The following C12orf75 variants were observed in gnomAD, a reference collection of about 807,000 sequenced individuals.
The protein encoded by C12orf75 is chromosome 12 open reading frame 75.
A neutral mutation model predicts 11.4 loss-of-function variants in C12orf75; 4 were observed. The ratio of observed to expected loss-of-function variants is 0.35; its 90% CI spans 0.17 to 0.80. C12orf75 has a LOEUF of 0.80. C12orf75 is among the 30% of genes least tolerant of loss of function. The pLI is 0.52. For synonymous variants in C12orf75, 30 were observed against 30.0 expected (o/e 1.00, Z 0.00); for missense variants, 89 against 80.4 (o/e 1.11, Z -0.41).
intron 1 of C12orf75, among the ~76,000 whole-genome samples, chr12:105,335,605 A>G (rs1241573982): frequency 6.6e-6 from 1 of 151,126 alleles, no homozygotes; most frequent in Admixed American, 6.6e-5. Flanking sequence ...GGCCTCATGA[A>G]AGCCTATACA....
intron 2 of C12orf75, among the ~76,000 whole-genome samples, chr12:105,364,468 C>G (rs930141824): frequency 6.6e-6 from 1 of 152,170 alleles, no homozygotes; most frequent in Non-Finnish European, 1.5e-5. Flanking sequence ...CAGCGTTCAC[C>G]AGATAATTAT....
chr12:105,331,009 C>T lies in C12orf75; in HGVS notation c.46+72C>T, dbSNP rs1330889609. The stretch of plus-strand genomic sequence containing the variant: ...CGGCGGGAAGGAAGGGTGCAGGGAT[C>T]TTGGGTGGGGGGCGCGCAGCCCCCT... On this transcript the variant is annotated intron_variant, in intron 1 of 5. Transcript: ENST00000443585. 1.9e-5 allele frequency: 18 copies of T among 961,022 alleles called. No homozygotes were observed. In the East Asian group the frequency reaches 6.0e-4, roughly 32 times the overall value. The allele number at this position is 961,022 out of a possible 1,614,324, so 59.5% of individuals were successfully genotyped here. A position where few individuals can be genotyped will look rare whatever the true frequency, so the allele number is the denominator to read the frequency against.
chr12:105,370,504 T>C, intron 5 of C12orf75, 130 bp from the exon 6 acceptor site: 1 of 433,552 alleles, frequency 2.3e-6, no homozygotes, highest in South Asian at 1.7e-5. Context: ...TAAATTAATA[T>C]TGGGTGAATA....
rs1892407836 is a variant in C12orf75, at chr12:105,330,714, C to G, written c.-178C>G. On this transcript the variant is annotated 5_prime_UTR_variant, in exon 1 of 6. Coordinates refer to ENST00000443585, the MANE Select transcript of C12orf75 (RefSeq NM_001145199.2). ...GTGGTTTCCGCCCGGCAGCCCGCAG[C>G]CCGCTGCGCCCCGGGCCGCGTCTCC... 2.0e-6 allele frequency: 1 copy of G among 489,590 alleles called. No homozygotes were observed. The highest frequency in any genetic ancestry group is 2.9e-6 in the Non-Finnish European group (1 of 339,862). 30.3% of individuals were successfully genotyped at this position (489,590 alleles called of 1,614,324 possible).
At chr12:105,349,764 C>A (rs1375345894) in intron 2 of C12orf75, among the ~76,000 whole-genome samples, 1 of 151,990 alleles carries the variant, frequency 6.6e-6, no homozygotes, top group Admixed American at 6.6e-5. Context: ...GTAATCCCAG[C>A]TACTTGGGAG....
chr12:105,356,018 C>T (rs1166930968), intron 2 of C12orf75, among the ~76,000 whole-genome samples: 3 of 152,104 alleles, frequency 2.0e-5, no homozygotes. Context: ...TAATATTGGC[C>T]AATGGGCTCA....
intron 2 of C12orf75, among the ~76,000 whole-genome samples, chr12:105,356,431 A>G (rs1261681773): frequency 1.4e-5 from 2 of 141,432 alleles, no homozygotes; most frequent in African/African-American, 5.2e-5. Flanking sequence ...AAAAGAAAAG[A>G]CTACAGGCTT....
rs140064393 is a variant in C12orf75 at position 105,351,839 on chromosome 12, A to G, written c.71+3213A>G. ...GTGAAGGGCCTTGGGTGCAAGGCCA[A>G]TAATCGTGCTTGTTTTTTTTTATGC... On this transcript the variant is annotated intron_variant, in intron 2 of 5. Coordinates refer to ENST00000443585, the MANE Select transcript of C12orf75 (RefSeq NM_001145199.2). Among the ~76,000 whole-genome samples the G allele has an allele frequency of 3.0e-4, 46 of 152,298 alleles. No individual in the cohort carries two copies. The East Asian group carries it at 8.3e-3, about 27-fold the overall frequency.
chr12:105,353,802 A>G (rs1245501952), intron 2 of C12orf75, among the ~76,000 whole-genome samples: 1 of 152,236 alleles, frequency 6.6e-6, no homozygotes, highest in Non-Finnish European at 1.5e-5. Context: ...AATGTAAACA[A>G]TGTAATTCAA....
chr12:105,364,514 TACTG>T (rs200063899), intron 2 of C12orf75, among the ~76,000 whole-genome samples: 3,512 of 152,300 alleles, frequency 0.023, 81 homozygotes, highest in Non-Finnish European at 0.028. Context: ...GACTTGGACT[TACTG>T]GCTGTTGCAA....
intron 1 of C12orf75, among the ~76,000 whole-genome samples, chr12:105,332,735 T>TAAAAAA (rs34772007): frequency 2.9e-5 from 4 of 138,978 alleles, no homozygotes; most frequent in East Asian, 2.1e-4. Context: ...CCGCTCCATC[T>TAAAAAA]AAAAAAAAAA....
At chr12:105,361,986 T>A (rs1892872635) in intron 2 of C12orf75, among the ~76,000 whole-genome samples, 1 of 152,220 alleles carries the variant, frequency 6.6e-6, no homozygotes, top group Non-Finnish European at 1.5e-5. Context: ...TCTGCGAAGA[T>A]TGATGGTCCC....
In C12orf75 at chr12:105,355,173, TCTTTTTC is replaced by T. The variant is rs1482404623; in HGVS notation, c.71+6548_71+6554del. Among the ~76,000 whole-genome samples, 1,150 of 131,012 alleles carry T rather than the reference TCTTTTTC, an allele frequency of 8.8e-3. 51 individuals carry two copies. Among genetic ancestry groups the T allele is most frequent in the African/African-American group, 0.028 (953 of 34,520 alleles). 85.9% of individuals were successfully genotyped at this position (131,012 alleles called of 152,430 possible). On this transcript the variant is annotated intron_variant, in intron 2 of 5. Transcript: ENST00000443585. ...GTTTTCACGAATTTCTTTTTCTTTT[TCTTTTTC>T]TTTTTTTTTTTCAGAGTTTTGCTCT...
chr12:105,355,370 A>AT (rs1892766918), intron 2 of C12orf75, among the ~76,000 whole-genome samples: 1 of 151,960 alleles, frequency 6.6e-6, no homozygotes, highest in Admixed American at 6.6e-5. Context: ...GGATTTTGCC[A>AT]TATTGGCCAG....
chr12:105,335,615 A>G (rs925572607), intron 1 of C12orf75, among the ~76,000 whole-genome samples: 2 of 151,076 alleles, frequency 1.3e-5, no homozygotes, highest in Non-Finnish European at 2.9e-5. Flanking sequence ...AAGCCTATAC[A>G]TTTTGTTTAC....
chr12:105,356,145 T>G (rs1006033573), intron 2 of C12orf75, among the ~76,000 whole-genome samples: 2 of 152,212 alleles, frequency 1.3e-5, no homozygotes. Context: ...ATTGTGTAAT[T>G]AAGGGTTTGC....
intron 2 of C12orf75, among the ~76,000 whole-genome samples, chr12:105,364,488 A>G (rs1417318884): frequency 6.6e-6 from 1 of 152,154 alleles, no homozygotes; most frequent in Non-Finnish European, 1.5e-5. Context: ...TTAAATCTAC[A>G]CTTTCCTTCT....
intron 3 of C12orf75, 151 bp downstream of exon 3, chr12:105,365,993 G>C (rs943511521): frequency 7.3e-6 from 5 of 680,572 alleles, no homozygotes; most frequent in African/African-American, 1.8e-5. Flanking sequence ...GTCTGAAAAA[G>C]AACTTGCCCA....
chr12:105,356,607 A>G (rs189108551), intron 2 of C12orf75, among the ~76,000 whole-genome samples: 1 of 152,302 alleles, frequency 6.6e-6, no homozygotes, highest in Admixed American at 6.5e-5. Context: ...ATTTTCAGGT[A>G]AGTTGTAGCA....
Sources: allele counts gnomAD v4.1 joint callset (sites outside exome capture counted in the v4.1 genomes callset), GRCh38; gene constraint gnomAD v4.1.1; transcripts MANE v1.5; gene names NCBI Gene and HGNC (gene_info 2026-07-23, HGNC 2026-07-21).